HECW1: variants seen among roughly 807,000 people sequenced by gnomAD.
The protein encoded by HECW1 is E3 ubiquitin-protein ligase HECW1.
Under a neutral mutation model 182.3 loss-of-function variants are expected in HECW1, and 61 were observed. The observed-to-expected ratio is 0.33, with a 90% confidence interval of 0.27 to 0.41. The LOEUF is 0.41. HECW1 is among the 10% of genes least tolerant of loss of function. The probability of loss-of-function intolerance (pLI) is 1.00; values close to 1 mark genes in which losing one functional copy is unlikely to be tolerated. For missense variants in HECW1, 1,739 were observed against 2,108.9 expected, an observed-to-expected ratio of 0.82 and a Z score of 3.44; for synonymous variants, 859 against 832.6, an observed-to-expected ratio of 1.03 and a Z score of -0.55.
chr7:43,445,707 T>C (rs1378106993), intron 11 of HECW1, 137 bp downstream of exon 11: 6 of 1,037,406 alleles, frequency 5.8e-6, no homozygotes, highest in Non-Finnish European at 8.3e-6. Context: ...GTCTTGTATA[T>C]ACATGTGTGC....
intron 2 of HECW1, among the ~76,000 whole-genome samples, chr7:43,158,899 A>G (rs966418919): frequency 6.6e-6 from 1 of 152,232 alleles, no homozygotes; most frequent in African/African-American, 2.4e-5. Context: ...TTCTCAAACT[A>G]TACTGTGCAT....
Position 43,243,700 on chromosome 7 carries a change from A to G in HECW1, c.-31-175A>G, listed in dbSNP as rs976306354. ...AGAATAATGTTGCTTGCAACTTTTT[A>G]TCCACTTTATCAAAATGAGTGTGGT... On this transcript the variant is annotated intron_variant, in intron 2 of 29. Transcript: ENST00000395891. This position sits in a 1 kb window ranked among gnomAD's most constrained non-coding sequence, Gnocchi z 4.0. 3.3e-5 allele frequency among the ~76,000 whole-genome samples: 5 copies of G among 152,220 alleles called. No homozygotes were observed. The highest frequency in any genetic ancestry group is 1.2e-4 in the African/African-American group (5 of 41,448).
chr7:43,267,051 A>G (rs1002147546), intron 3 of HECW1, among the ~76,000 whole-genome samples: 22 of 152,204 alleles, frequency 1.4e-4, no homozygotes, highest in African/African-American at 5.3e-4. Context: ...GCAGAAATGT[A>G]TGTAATTGTG....
chr7:43,264,734 C>T (rs1027259745), intron 3 of HECW1, among the ~76,000 whole-genome samples: 1 of 151,548 alleles, frequency 6.6e-6, no homozygotes, highest in Admixed American at 6.6e-5. Flanking sequence ...GTCTCAGTTA[C>T]TCCGGTGGCT....
chr7:43,360,098 C>G (rs1815674093), intron 5 of HECW1, among the ~76,000 whole-genome samples: 1 of 152,138 alleles, frequency 6.6e-6, no homozygotes, highest in Non-Finnish European at 1.5e-5. Context: ...CCTATTTTAA[C>G]AGGGGGTACA....
chr7:43,347,131 A>T (rs371968890), intron 5 of HECW1, among the ~76,000 whole-genome samples: 1 of 152,060 alleles, frequency 6.6e-6, no homozygotes, highest in Non-Finnish European at 1.5e-5. Context: ...TGAGCTTGGG[A>T]TGTGTTTCCA....
intron 2 of HECW1, among the ~76,000 whole-genome samples, chr7:43,120,019 G>A (rs1390052213): frequency 2.0e-5 from 3 of 152,204 alleles, no homozygotes; most frequent in Non-Finnish European, 2.9e-5. Flanking sequence ...GACATCTGCT[G>A]TGTGCCAGGC....
In HECW1 at chr7:43,444,703, G is replaced by A. The variant is rs1398844409; in HGVS notation, c.1531G>A (p.Asp511Asn). ...GGAGAAGGAGCAGGAGGAGGAGGGA[G>A]ATGTGTCTACCCTGGAGCAGGGAGA... ...EEEKEQEEEG[D>N]VSTLEQGEGR... Residue 511 changes from aspartate to asparagine, a missense_variant, in exon 11 of 30, where the codon GAT becomes AAT. Asp to Asn is a conservative substitution (Grantham distance 23, BLOSUM62 1). Coordinates refer to ENST00000395891, the MANE Select transcript of HECW1 (RefSeq NM_015052.5). The surrounding 1 kb of genome is among the most constrained non-coding windows in gnomAD (Gnocchi z 4.3). 1 of 1,609,662 alleles carries A rather than the reference G, an allele frequency of 6.2e-7. No individual in the cohort carries two copies. Among genetic ancestry groups the A allele is most frequent in the African/African-American group, 1.3e-5 (1 of 74,794 alleles).
chr7:43,392,771 A>T (rs1057232843), intron 6 of HECW1, among the ~76,000 whole-genome samples: 18 of 152,174 alleles, frequency 1.2e-4, no homozygotes, highest in Non-Finnish European at 1.6e-4. Flanking sequence ...AAAGGGTAAA[A>T]TTTGAATAAC....
intron 2 of HECW1, among the ~76,000 whole-genome samples, chr7:43,234,687 C>T (rs967998721): frequency 2.6e-5 from 4 of 152,320 alleles, no homozygotes; most frequent in African/African-American, 7.2e-5. Flanking sequence ...CTTGAAGTTG[C>T]ATGATCTCTA....
intron 5 of HECW1, among the ~76,000 whole-genome samples, chr7:43,329,599 G>A (rs1361661864): frequency 2.6e-5 from 4 of 152,084 alleles, no homozygotes; most frequent in Non-Finnish European, 5.9e-5. Context: ...CTGCCTCTAC[G>A]GCACATCATC....
In HECW1 at chr7:43,554,616, T is replaced by C; in HGVS notation, c.4535T>C (p.Ile1512Thr). Residue 1512 changes from isoleucine (I) to threonine (T), a missense_variant, in exon 29 of 30, where the codon ATC becomes ACC. Physicochemically the swap from Ile to Thr is moderately conservative, Grantham distance 89 (BLOSUM62 -1). Around this residue, in one of 5 missense-constraint regions of HECW1, gnomAD observed 420 missense variants for 595.7 expected, o/e 0.71. Transcript: ENST00000395891. ...RGGYHDGHLV[I>T]RWFWAAVERF... The stretch of plus-strand genomic sequence containing the variant: ...GGTTACCACGATGGGCATCTTGTGA[T>C]CCGCTGGTTCTGGGCTGCGGTGGAG... 2 of 1,613,346 alleles carry C rather than the reference T, an allele frequency of 1.2e-6. No individual in the cohort carries two copies. Among genetic ancestry groups the C allele is most frequent in the East Asian group, 2.2e-5 (1 of 44,882 alleles).
At chr7:43,216,258 G>C (rs2152699014) in intron 2 of HECW1, among the ~76,000 whole-genome samples, 1 of 152,128 alleles carries the variant, frequency 6.6e-6, no homozygotes, top group East Asian at 1.9e-4. Context: ...TGATTCTTCA[G>C]CCTCAGCCTC....
intron 6 of HECW1, among the ~76,000 whole-genome samples, chr7:43,388,155 A>T (rs1236941228): frequency 1.3e-5 from 2 of 152,288 alleles, no homozygotes; most frequent in African/African-American, 4.8e-5. Context: ...TCTTCACACC[A>T]TATTGTACAC....
At chr7:43,321,947 C>T (rs1810171336) in intron 5 of HECW1, among the ~76,000 whole-genome samples, 1 of 152,142 alleles carries the variant, frequency 6.6e-6, no homozygotes, top group African/African-American at 2.4e-5. Context: ...TTGGCTCATG[C>T]AGAATGAATA....
intron 24 of HECW1, among the ~76,000 whole-genome samples, chr7:43,520,661 A>G (rs1204402783): frequency 6.6e-6 from 1 of 151,908 alleles, no homozygotes; most frequent in East Asian, 1.9e-4. Context: ...TTTTTTTTAA[A>G]AAAAACACAA....
chr7:43,492,051 C>T (rs756576851), intron 17 of HECW1, 24 bp from the exon 18 acceptor site: 1 of 1,535,636 alleles, frequency 6.5e-7, no homozygotes, highest in South Asian at 1.1e-5. Flanking sequence ...ATTTCTAATG[C>T]TTATGCTTTT....
intron 13 of HECW1, among the ~76,000 whole-genome samples, chr7:43,462,787 T>C (rs2077633325): frequency 6.6e-6 from 1 of 152,222 alleles, no homozygotes; most frequent in Non-Finnish European, 1.5e-5. Flanking sequence ...CCTGCTTTTG[T>C]ACATGTTGTT....
chr7:43,443,055 C>T (rs1164222722), intron 10 of HECW1, among the ~76,000 whole-genome samples: 1 of 152,146 alleles, frequency 6.6e-6, no homozygotes, highest in Non-Finnish European at 1.5e-5. Flanking sequence ...TATAATTGTA[C>T]AATGAATTTT....
Sources: allele counts gnomAD v4.1 joint callset (sites outside exome capture counted in the v4.1 genomes callset), GRCh38; gene constraint gnomAD v4.1.1; regional missense constraint gnomAD v4.1.1; non-coding constraint Gnocchi (gnomAD v3.1); transcripts MANE v1.5; gene names NCBI Gene and HGNC (gene_info 2026-07-23, HGNC 2026-07-21).